Variants in OTOGL observed in about 807,000 individuals in gnomAD.
OTOGL encodes the protein otogelin like.
A neutral mutation model predicts 318.5 loss-of-function variants in OTOGL; 285 were observed. The ratio of observed to expected loss-of-function variants is 0.89; its 90% confidence interval spans 0.81 to 0.99. The LOEUF is 0.99. OTOGL is among the 50% of genes least tolerant of loss of function. The pLI, the probability that OTOGL is intolerant of heterozygous loss-of-function variation, is 0.00. For synonymous variants in OTOGL, 987 were observed against 936.5 expected, an observed-to-expected ratio of 1.05 and a Z score of -0.99; for missense variants, 2,899 against 2,845.6, an observed-to-expected ratio of 1.02 and a Z score of -0.43.
chr12:80,217,425 A>G (rs962864535), intron 4 of OTOGL, among the ~76,000 whole-genome samples, 173 bp from the exon 5 acceptor site: 1 of 152,202 alleles, frequency 6.6e-6, no homozygotes, highest in Non-Finnish European at 1.5e-5. Context: ...CCACAACCTC[A>G]GAGGAACCCT....
chr12:80,113,614 A>G (rs1869979408), intron 1 of OTOGL, among the ~76,000 whole-genome samples: 1 of 151,578 alleles, frequency 6.6e-6, no homozygotes, highest in South Asian at 2.1e-4. Context: ...GTGGTCTGAG[A>G]GACTGTTATG....
intron 7 of OTOGL, among the ~76,000 whole-genome samples, chr12:80,224,573 T>C (rs1174027880): frequency 2.0e-5 from 3 of 152,156 alleles, no homozygotes; most frequent in Non-Finnish European, 4.4e-5. Flanking sequence ...TATTTGTTTG[T>C]GTTGTCTATG....
intron 22 of OTOGL, among the ~76,000 whole-genome samples, chr12:80,269,300 T>C (rs929243646): frequency 5.3e-5 from 8 of 152,172 alleles, no homozygotes; most frequent in African/African-American, 1.2e-4. Context: ...TTTTCCATCA[T>C]GTTATCTTCT....
chr12:80,244,925 G>T (rs1880735282), intron 11 of OTOGL, among the ~76,000 whole-genome samples: 1 of 147,962 alleles, frequency 6.8e-6, no homozygotes, highest in African/African-American at 2.7e-5. Context: ...CAGTGATGAT[G>T]AGCATTTTTT....
intron 9 of OTOGL, among the ~76,000 whole-genome samples, chr12:80,236,635 A>C (rs976113937): frequency 1.3e-5 from 2 of 152,162 alleles, no homozygotes; most frequent in African/African-American, 4.8e-5. Flanking sequence ...TGTAACTATA[A>C]GTGTACTTAA....
chr12:80,122,186 A>G (rs938298274), intron 1 of OTOGL, among the ~76,000 whole-genome samples: 3 of 152,208 alleles, frequency 2.0e-5, no homozygotes, highest in African/African-American at 7.2e-5. Flanking sequence ...GATCACAGTT[A>G]GAATTAATAT....
intron 37 of OTOGL, 111 bp downstream of exon 37, chr12:80,329,230 C>T: frequency 1.2e-6 from 1 of 807,058 alleles, no homozygotes; most frequent in Non-Finnish European, 1.8e-6. Flanking sequence ...TACCTATGGG[C>T]TAGGAAACCC....
chr12:80,124,630 A>G (rs1187781997), intron 1 of OTOGL, among the ~76,000 whole-genome samples: 2 of 152,124 alleles, frequency 1.3e-5, no homozygotes, highest in South Asian at 2.1e-4. Context: ...ACCTTGGGCA[A>G]TACGGCCATT....
At chr12:80,294,629 A>G (rs1338104958) in intron 26 of OTOGL, among the ~76,000 whole-genome samples, 1 of 152,228 alleles carries the variant, frequency 6.6e-6, no homozygotes, top group Non-Finnish European at 1.5e-5. Context: ...TTACAGAGGG[A>G]TATATTAATT....
At position 80,318,625 on chromosome 12, in the gene OTOGL, C is replaced by T. The variant is rs564278017; in HGVS notation, c.3714C>T (p.Ser1238=). 51 of 1,470,638 alleles carry T rather than the reference C, an allele frequency of 3.5e-5. No homozygotes were observed. Among genetic ancestry groups the T allele is most frequent in the African/African-American group, 2.8e-4 (19 of 68,802 alleles). 91.1% of individuals were successfully genotyped at this position (1,470,638 alleles called of 1,614,324 possible). The change falls in exon 33 of 59, where the codon AGC becomes AGT. Residue 1238 remains serine (S), a synonymous_variant. Transcript: ENST00000547103. ...TGGGGGCCAATATGACCAGCAGAAG[C>T]GTTTTCTGTTTGCCGAGAAGCAGTG... The part of the protein sequence containing the change: ...LVLGANMTSR[S]VFCLPRSSVH...
At chr12:80,377,330 A>G in intron 58 of OTOGL, 128 bp downstream of exon 58, 1 of 600,082 alleles carries the variant, frequency 1.7e-6, no homozygotes, top group East Asian at 3.0e-5. Flanking sequence ...GATTATTCCT[A>G]CATTCTAATG....
chr12:80,135,694 A>G (rs1404983382), intron 1 of OTOGL, among the ~76,000 whole-genome samples: 2 of 152,210 alleles, frequency 1.3e-5, no homozygotes, highest in Admixed American at 6.5e-5. Context: ...CAACTTGACT[A>G]GGCCATGGGA....
chr12:80,320,371 T>C, intron 33 of OTOGL, 51 bp from the exon 34 acceptor site: 1 of 1,503,368 alleles, frequency 6.7e-7, no homozygotes, highest in South Asian at 1.3e-5. Flanking sequence ...GTGATGCCAA[T>C]GTTGATGATC....
At chr12:80,126,320 G>A (rs191681593) in intron 1 of OTOGL, among the ~76,000 whole-genome samples, 2 of 152,052 alleles carry the variant, frequency 1.3e-5, no homozygotes, top group Non-Finnish European at 2.9e-5. Context: ...TCAGGAGCAG[G>A]TTGTTCAGTT....
intron 12 of OTOGL, 114 bp downstream of exon 12, chr12:80,251,913 AGATATCCATGAACTT>A: frequency 8.4e-7 from 1 of 1,192,550 alleles, no homozygotes. Flanking sequence ...TTTGTTATTG[AGATATCCATGAACTT>A]GCATACTTTT....
intron 9 of OTOGL, 111 bp downstream of exon 9, chr12:80,233,208 T>C: frequency 2.2e-6 from 2 of 928,866 alleles, no homozygotes; most frequent in Non-Finnish European, 3.1e-6. Flanking sequence ...TTTGTGGCTG[T>C]CACTTGCCTG....
intron 1 of OTOGL, among the ~76,000 whole-genome samples, chr12:80,108,953 T>TATATATATACAC (rs1555268625): frequency 2.1e-5 from 3 of 142,752 alleles, no homozygotes; most frequent in African/African-American, 7.9e-5. Flanking sequence ...TATATATATA[T>TATATATATACAC]ACACACACAC....
chr12:80,190,765 C>T (rs1390650714), intron 1 of OTOGL, among the ~76,000 whole-genome samples: 4 of 121,348 alleles, frequency 3.3e-5, no homozygotes, highest in South Asian at 2.5e-4. Flanking sequence ...CCAGCTTGGG[C>T]GAAAGAGTGA....
At chr12:80,181,331 T>TTC (rs57549257) in intron 1 of OTOGL, among the ~76,000 whole-genome samples, 49,111 of 149,078 alleles carry the variant, frequency 0.33, 7,858 homozygotes, top group Middle Eastern at 0.41. Context: ...TTAAATTTAC[T>TTC]TCTCTCTCTC....
Sources: allele counts gnomAD v4.1 joint callset (sites outside exome capture counted in the v4.1 genomes callset), GRCh38; gene constraint gnomAD v4.1.1; transcripts MANE v1.5; gene names NCBI Gene and HGNC (gene_info 2026-07-23, HGNC 2026-07-21).